RMDN1: variants seen among roughly 807,000 people sequenced by gnomAD.
RMDN1 encodes regulator of microtubule dynamics protein 1.
Under a neutral mutation model 48.9 loss-of-function variants are expected in RMDN1, and 48 were observed. That is an observed-to-expected ratio of 0.98 (90% CI 0.78 to 1.25). The LOEUF is 1.25. Among genes scored for constraint, RMDN1 ranks in the 50% most tolerant of loss-of-function variants. The pLI, the probability that RMDN1 is intolerant of heterozygous loss-of-function variation, is 0.00. For synonymous variants in RMDN1, 148 were observed against 132.6 expected (o/e 1.12, Z -0.80); for missense variants, 418 against 373.4 (o/e 1.12, Z -0.98).
intron 2 of RMDN1, chr8:86,504,126 A>C: frequency 4.2e-6 from 5 of 1,180,380 alleles, no homozygotes; most frequent in Non-Finnish European, 6.4e-6. Flanking sequence ...TTGGGTCTGA[A>C]GAGCTATGGC....
intron 3 of RMDN1, among the ~76,000 whole-genome samples, chr8:86,487,250 T>A (rs992566641): frequency 6.6e-6 from 1 of 152,216 alleles, no homozygotes; most frequent in Non-Finnish European, 1.5e-5. Context: ...CATTTCCATA[T>A]AATGACATAA....
intron 5 of RMDN1, among the ~76,000 whole-genome samples, chr8:86,480,841 G>A (rs1814272977): frequency 6.6e-6 from 1 of 151,960 alleles, no homozygotes; most frequent in African/African-American, 2.4e-5. Context: ...AAGTCTTCTT[G>A]TATGCAGATT....
downstream of RMDN1, among the ~76,000 whole-genome samples, chr8:86,470,720 A>G (rs943400610): frequency 1.3e-5 from 2 of 152,306 alleles, no homozygotes; most frequent in Non-Finnish European, 2.9e-5. Flanking sequence ...AAAGAAACAA[A>G]CTATTGATAG....
intron 2 of RMDN1, among the ~76,000 whole-genome samples, chr8:86,497,546 C>T (rs1465875401): frequency 6.6e-6 from 1 of 151,286 alleles, no homozygotes; most frequent in African/African-American, 2.4e-5. Context: ...ACTAAAAATA[C>T]AAAAATTAGC....
intron 6 of RMDN1, among the ~76,000 whole-genome samples, 173 bp downstream of exon 6, chr8:86,480,104 G>T (rs1490201544): frequency 6.6e-6 from 1 of 151,932 alleles, no homozygotes; most frequent in African/African-American, 2.4e-5. Flanking sequence ...ATCAAATTTA[G>T]TATGTTCTAA....
At chr8:86,470,726 G>A (rs141463970), downstream of RMDN1, among the ~76,000 whole-genome samples, 39 of 152,214 alleles carry the variant, frequency 2.6e-4, no homozygotes, top group Non-Finnish European at 4.3e-4. Context: ...ACAAACTATT[G>A]ATAGAACTTA....
In RMDN1 at chr8:86,495,989, G is replaced by A. The variant is rs141710742; in HGVS notation, c.248-7350C>T. On this transcript the variant is annotated intron_variant, in intron 2 of 9. Coordinates refer to ENST00000406452, the MANE Select transcript of RMDN1 (RefSeq NM_016033.3). ...CCTTATAAGCCAGAAGAGACTAGGG[G>A]ACTATATTCAACATCCTTAAAGAAA... Among the ~76,000 whole-genome samples the A allele has an allele frequency of 9.9e-3, 1,506 of 152,154 alleles. 29 individuals are homozygous for A. The highest frequency in any genetic ancestry group is 0.035 in the African/African-American group (1,435 of 41,502).
chr8:86,480,674 A>C (rs1489107765), intron 5 of RMDN1, among the ~76,000 whole-genome samples: 1 of 152,130 alleles, frequency 6.6e-6, no homozygotes, highest in Non-Finnish European at 1.5e-5. Context: ...TAAAGGAAAA[A>C]TGGATAAGGA....
At chr8:86,470,386 A>C, downstream of RMDN1, 1 of 1,286,794 alleles carries the variant, frequency 7.8e-7, no homozygotes, top group Non-Finnish European at 1.0e-6. Flanking sequence ...TCACGGACCA[A>C]TGTGACACGT....
chr8:86,500,193 A>G (rs916388417), intron 2 of RMDN1, among the ~76,000 whole-genome samples: 4 of 152,198 alleles, frequency 2.6e-5, no homozygotes, highest in South Asian at 2.1e-4. Context: ...GGACCTAACT[A>G]AAGAGCTTCT....
intron 5 of RMDN1, chr8:86,482,289 C>G: frequency 3.3e-6 from 1 of 299,264 alleles, no homozygotes; most frequent in Non-Finnish European, 6.3e-6. Flanking sequence ...GTAATCCCAG[C>G]TACTTGGGAG....
chr8:86,471,333 C>T (rs144188035), downstream of RMDN1, among the ~76,000 whole-genome samples: 2,219 of 151,390 alleles, frequency 0.015, 23 homozygotes, highest in Middle Eastern at 0.037. Flanking sequence ...ACCCTTTCTT[C>T]CCATTTGATG....
chr8:86,476,500 C>T (rs1813400121), intron 8 of RMDN1, among the ~76,000 whole-genome samples: 1 of 152,052 alleles, frequency 6.6e-6, no homozygotes, highest in Non-Finnish European at 1.5e-5. Flanking sequence ...GTATCATATG[C>T]TTATGTCTCT....
At chr8:86,503,995 A>G in intron 2 of RMDN1, 1 of 775,318 alleles carries the variant, frequency 1.3e-6, no homozygotes, top group Non-Finnish European at 2.4e-6. Flanking sequence ...TTTTATGCCC[A>G]TGTACATTGG....
intron 2 of RMDN1, among the ~76,000 whole-genome samples, chr8:86,506,367 T>C (rs973599238): frequency 3.3e-5 from 5 of 152,234 alleles, no homozygotes; most frequent in African/African-American, 7.2e-5. Flanking sequence ...AGGTGTGTTG[T>C]TGCCTTTAGG....
chr8:86,489,809 G>A (rs557809632), intron 2 of RMDN1, among the ~76,000 whole-genome samples: 4 of 140,540 alleles, frequency 2.8e-5, no homozygotes, highest in South Asian at 2.5e-4. Flanking sequence ...CAGCCTGGGC[G>A]ATACAGCAAG....
At chr8:86,480,656 T>C (rs1814233067) in intron 5 of RMDN1, among the ~76,000 whole-genome samples, 1 of 152,108 alleles carries the variant, frequency 6.6e-6, no homozygotes, top group Admixed American at 6.5e-5. Flanking sequence ...TTAATGTTTC[T>C]TCCAAATTAA....
At chr8:86,489,979 A>C (rs10106141) in intron 2 of RMDN1, among the ~76,000 whole-genome samples, 34,458 of 151,796 alleles carry the variant, frequency 0.23, 4,130 homozygotes, top group Non-Finnish European at 0.27. Context: ...TGACAATGGC[A>C]AAAAAAACCC....
chr8:86,491,535 T>C (rs1335734870), intron 2 of RMDN1, among the ~76,000 whole-genome samples: 3 of 152,216 alleles, frequency 2.0e-5, no homozygotes, highest in Non-Finnish European at 4.4e-5. Flanking sequence ...TTTTCTAACC[T>C]AACATTTTAT....
Sources: allele counts gnomAD v4.1 joint callset (sites outside exome capture counted in the v4.1 genomes callset), GRCh38; gene constraint gnomAD v4.1.1; transcripts MANE v1.5; gene names NCBI Gene and HGNC (gene_info 2026-07-23, HGNC 2026-07-21).